Variants in TIMM23B observed in about 807,000 individuals in gnomAD.
TIMM23B encodes the protein translocase of inner mitochondrial membrane 23 homolog B.
In TIMM23B, 27 loss-of-function variants were observed where a neutral mutation model predicts 27.3. That is an observed-to-expected ratio of 0.99 (90% confidence interval 0.73 to 1.36). TIMM23B has a LOEUF of 1.36. Among genes scored for constraint, TIMM23B ranks in the 40% most tolerant of loss-of-function variants. The probability of loss-of-function intolerance (pLI) is 0.00; values close to 1 mark genes in which losing one functional copy is unlikely to be tolerated. For missense variants in TIMM23B, 205 were observed against 244.2 expected (o/e 0.84, Z 1.07); for synonymous variants, 73 against 92.4 (o/e 0.79, Z 1.21).
At chr10:49,943,273 T>C (rs1369773732) in intron 1 of TIMM23B, 1 of 152,042 alleles carries the variant, frequency 6.6e-6, no homozygotes, top group Non-Finnish European at 1.5e-5. Context: ...TGGGGTGCGG[T>C]GGCATGATTA....
intron 2 of TIMM23B, among the ~76,000 whole-genome samples, chr10:49,948,917 C>A (rs1226305019): frequency 5.3e-5 from 8 of 152,200 alleles, no homozygotes; most frequent in Non-Finnish European, 1.2e-4. Context: ...GACAAAGTCT[C>A]ACTCTGTCTT....
chr10:49,963,970 G>T (rs1432738194), intron 6 of TIMM23B, among the ~76,000 whole-genome samples: 2 of 152,104 alleles, frequency 1.3e-5, no homozygotes, highest in Non-Finnish European at 2.9e-5. Flanking sequence ...GGCTCGAAAT[G>T]ACATGACATG....
intron 2 of TIMM23B, among the ~76,000 whole-genome samples, chr10:49,945,651 G>A (rs1238931756): frequency 6.6e-6 from 1 of 152,076 alleles, no homozygotes; most frequent in Non-Finnish European, 1.5e-5. Flanking sequence ...TACAATATCA[G>A]GGTTTTTTTG....
At chr10:49,947,445 T>C (rs1839389245) in intron 2 of TIMM23B, among the ~76,000 whole-genome samples, 1 of 148,102 alleles carries the variant, frequency 6.8e-6, no homozygotes, top group Non-Finnish European at 1.5e-5. Context: ...CCATCTCTAC[T>C]AAAAAATACA....
intron 2 of TIMM23B, 49 bp from the exon 3 acceptor site, chr10:49,952,076 AT>A: frequency 1.5e-6 from 2 of 1,370,896 alleles, no homozygotes; most frequent in Non-Finnish European, 2.1e-6. Flanking sequence ...ACTTTACAAG[AT>A]TTGTGTCTTG....
chr10:49,971,346 A>G (rs1840438363), intron 6 of TIMM23B, among the ~76,000 whole-genome samples: 1 of 151,956 alleles, frequency 6.6e-6, no homozygotes, highest in Admixed American at 6.5e-5. Context: ...AAAAAAAAAA[A>G]AAATACTGCA....
chr10:49,967,073 C>G (rs1840193054), intron 6 of TIMM23B, among the ~76,000 whole-genome samples: 1 of 152,114 alleles, frequency 6.6e-6, no homozygotes, highest in African/African-American at 2.4e-5. Flanking sequence ...GCACATGCCA[C>G]CATGCCTGGC....
chr10:49,955,680 A>G (rs1336463974), intron 5 of TIMM23B, among the ~76,000 whole-genome samples: 15 of 152,208 alleles, frequency 9.9e-5, no homozygotes, highest in Non-Finnish European at 1.9e-4. Flanking sequence ...AAATTTTCCT[A>G]CTGTGTGAAC....
rs1489025640 is a variant in TIMM23B at position 49,973,145 on chromosome 10, A to G, written c.*81A>G. 1 of 1,089,324 alleles carries G rather than the reference A, an allele frequency of 9.2e-7. No individual in the cohort carries two copies. Among genetic ancestry groups the G allele is most frequent in the East Asian group, 2.6e-5 (1 of 38,932 alleles). The allele number at this position is 1,089,324 out of a possible 1,614,324, so 67.5% of individuals were successfully genotyped here. ...ACACAAAAGGCAGCAAAGTATTAGT[A>G]AGTGTACCTCTGACATTTTAACCAC... On this transcript the variant is annotated 3_prime_UTR_variant, in exon 7 of 7. Transcript: ENST00000651259.
rs1242273084 is a variant in TIMM23B at position 49,951,336 on chromosome 10, C to G, written c.166-790C>G. On this transcript the variant is annotated intron_variant, in intron 2 of 6. Transcript: ENST00000651259. The stretch of plus-strand genomic sequence containing the variant: ...TCTTTTTGCCAAGGGTGTGACCTAG[C>G]CATTAGAGGCTTATTTTAACCATCT... 2.2e-4 allele frequency among the ~76,000 whole-genome samples: 33 copies of G among 151,552 alleles called. No individual in the cohort carries two copies. In the East Asian group the frequency reaches 2.3e-3, roughly 11 times the overall value.
At chr10:49,944,836 C>G (rs1420687832) in intron 1 of TIMM23B, among the ~76,000 whole-genome samples, 196 bp from the exon 2 acceptor site, 2 of 152,196 alleles carry the variant, frequency 1.3e-5, no homozygotes, top group African/African-American at 4.8e-5. Context: ...AGTGGAAGAC[C>G]TGGTTTGGGA....
Position 49,965,112 on chromosome 10 carries a change from C to T in TIMM23B, c.514+6632C>T, listed in dbSNP as rs1262626530. The stretch of plus-strand genomic sequence containing the variant: ...GCAGGTGCCTGTAATCCCAGCTACT[C>T]GGGAGGCTGAGAGAGGAGAATCGCT... On this transcript the variant is annotated intron_variant, in intron 6 of 6. Coordinates refer to ENST00000651259, the MANE Select transcript of TIMM23B (RefSeq NM_001290117.2). 5.3e-5 allele frequency among the ~76,000 whole-genome samples: 8 copies of T among 151,870 alleles called. No homozygotes were observed. The South Asian group carries it at 6.2e-4, about 12-fold the overall frequency.
At chr10:49,968,477 A>C (rs1420467815) in intron 6 of TIMM23B, among the ~76,000 whole-genome samples, 1 of 152,096 alleles carries the variant, frequency 6.6e-6, no homozygotes, top group Admixed American at 6.6e-5. Context: ...AACCAACCCA[A>C]CAAAAAAAGC....
chr10:49,964,658 TAATGA>T (rs1484539972), intron 6 of TIMM23B, among the ~76,000 whole-genome samples: 2 of 142,038 alleles, frequency 1.4e-5, no homozygotes, highest in African/African-American at 5.3e-5. Flanking sequence ...TGAAATGAAA[TAATGA>T]AATGAATAAT....
At chr10:49,947,864 A>C (rs1410894517) in intron 2 of TIMM23B, among the ~76,000 whole-genome samples, 1 of 152,194 alleles carries the variant, frequency 6.6e-6, no homozygotes, top group African/African-American at 2.4e-5. Flanking sequence ...CAGCAGGTCA[A>C]GTCTCAGTGA....
At chr10:49,965,046 C>T (rs1441909524) in intron 6 of TIMM23B, among the ~76,000 whole-genome samples, 8 of 152,148 alleles carry the variant, frequency 5.3e-5, no homozygotes, top group African/African-American at 1.4e-4. Flanking sequence ...CATGGTGAAA[C>T]CCTGTCTCTA....
chr10:49,963,854 A>G (rs1310816458), intron 6 of TIMM23B, among the ~76,000 whole-genome samples: 8 of 152,100 alleles, frequency 5.3e-5, no homozygotes, highest in Admixed American at 1.3e-4. Flanking sequence ...AATCCCAGCT[A>G]CTTGGGAGGC....
chr10:49,949,578 A>G (rs1839458089), intron 2 of TIMM23B, among the ~76,000 whole-genome samples: 2 of 151,996 alleles, frequency 1.3e-5, no homozygotes, highest in African/African-American at 4.8e-5. Context: ...AAGGTTAGAC[A>G]TAAAATATTT....
At chr10:49,962,065 A>G (rs1839936132) in intron 6 of TIMM23B, among the ~76,000 whole-genome samples, 1 of 152,154 alleles carries the variant, frequency 6.6e-6, no homozygotes, top group African/African-American at 2.4e-5. Context: ...CTGCATTAAC[A>G]TCTCAGTATG....
Sources: gnomAD v4.1 joint callset for allele counts (sites outside exome capture counted in the v4.1 genomes callset) on GRCh38, gnomAD v4.1.1 for gene constraint, MANE v1.5 for transcripts, NCBI Gene and HGNC (gene_info 2026-07-23, HGNC 2026-07-21) for gene names.